The following ADAMTS3 variants were observed in gnomAD, a reference collection of about 807,000 sequenced individuals.
The protein encoded by ADAMTS3 is ADAM metallopeptidase with thrombospondin type 1 motif 3.
Under a neutral mutation model 129.0 loss-of-function variants are expected in ADAMTS3, and 73 were observed. The observed-to-expected ratio is 0.57, with a 90% CI of 0.47 to 0.69. ADAMTS3 has a LOEUF of 0.69. Among genes scored for constraint, ADAMTS3 ranks in the 30% least tolerant of loss-of-function variants. The pLI is 0.00. For missense variants in ADAMTS3, 1,457 were observed against 1,514.5 expected (o/e 0.96, Z 0.63); for synonymous variants, 477 against 510.8 (o/e 0.93, Z 0.89).
chr4:72,503,904 A>G (rs972593038), intron 3 of ADAMTS3, among the ~76,000 whole-genome samples: 1 of 152,216 alleles, frequency 6.6e-6, no homozygotes, highest in Non-Finnish European at 1.5e-5. Context: ...TTCATCTAAT[A>G]TAAGAATACT....
At chr4:72,543,632 T>C (rs927082989) in intron 3 of ADAMTS3, among the ~76,000 whole-genome samples, 6 of 152,140 alleles carry the variant, frequency 3.9e-5, no homozygotes, top group Admixed American at 2.0e-4. Flanking sequence ...AAAAATACTA[T>C]ATGATTCCAC....
At chr4:72,531,280 G>C (rs1048723160) in intron 3 of ADAMTS3, among the ~76,000 whole-genome samples, 4 of 152,158 alleles carry the variant, frequency 2.6e-5, no homozygotes, top group African/African-American at 9.7e-5. Context: ...TTTTTGGCCT[G>C]AGAAATGGTG....
chr4:72,386,226 TC>T (rs1364722715), intron 4 of ADAMTS3, among the ~76,000 whole-genome samples: 1 of 152,162 alleles, frequency 6.6e-6, no homozygotes, highest in Non-Finnish European at 1.5e-5. Flanking sequence ...ACCAAAATTT[TC>T]TTTCACTTTT....
chr4:72,551,507 G>A (rs772653047), intron 2 of ADAMTS3, among the ~76,000 whole-genome samples: 1 of 152,020 alleles, frequency 6.6e-6, no homozygotes, highest in Non-Finnish European at 1.5e-5. Context: ...GTTTGAATGA[G>A]TCATTTTTCT....
In ADAMTS3 at chr4:72,465,022, C is replaced by T. The variant is rs149763951; in HGVS notation, c.505-50051G>A. Among the ~76,000 whole-genome samples, 5 of 152,058 alleles carry T rather than the reference C, an allele frequency of 3.3e-5. No homozygotes were observed. In the East Asian group the frequency reaches 7.8e-4, roughly 24 times the overall value. On this transcript the variant is annotated intron_variant, in intron 3 of 21. Coordinates refer to ENST00000286657, the MANE Select transcript of ADAMTS3 (RefSeq NM_014243.3). ...AATGGTAACAAGACAGAAATCTAAG[C>T]CCTTGCCCTCATGAAGTTGATAATC...
In ADAMTS3 at chr4:72,400,338, G is replaced by A. The variant is rs1314792286; in HGVS notation, c.661+14477C>T. On this transcript the variant is annotated intron_variant, in intron 4 of 21. Coordinates refer to ENST00000286657, the MANE Select transcript of ADAMTS3 (RefSeq NM_014243.3). Reference sequence around the variant, plus strand: ...ACATGGTGTGTGTATATATACACACGGTGTGTATATATACGTGTGCATAGA... The same window carrying A: ...ACATGGTGTGTGTATATATACACACAGTGTGTATATATACGTGTGCATAGA... Among the ~76,000 whole-genome samples the A allele has an allele frequency of 3.0e-4, 42 of 141,562 alleles. 3 individuals are homozygous for A. The highest frequency in any genetic ancestry group is 8.7e-4 in the South Asian group (4 of 4,622). The allele number at this position is 141,562 out of a possible 152,430, so 92.9% of individuals were successfully genotyped here. A position where few individuals can be genotyped will look rare whatever the true frequency, so the allele number is the denominator to read the frequency against.
At chr4:72,313,601 C>A (rs1719303790) in intron 12 of ADAMTS3, 76 bp downstream of exon 12, 6 of 1,477,566 alleles carry the variant, frequency 4.1e-6, no homozygotes, top group Non-Finnish European at 5.5e-6. Flanking sequence ...CTTTATAAAA[C>A]AGAATACTAA....
chr4:72,517,047 G>C (rs964702016), intron 3 of ADAMTS3, among the ~76,000 whole-genome samples: 18 of 152,078 alleles, frequency 1.2e-4, no homozygotes, highest in Middle Eastern at 3.4e-3. Flanking sequence ...TAGCATGAAG[G>C]GCTGTTGAAT....
intron 4 of ADAMTS3, among the ~76,000 whole-genome samples, chr4:72,409,327 C>A (rs1353212925): frequency 6.6e-6 from 1 of 152,072 alleles, no homozygotes; most frequent in Non-Finnish European, 1.5e-5. Context: ...ATTGATACAG[C>A]TTTTTTCTGA....
intron 3 of ADAMTS3, among the ~76,000 whole-genome samples, chr4:72,473,377 C>G (rs1012510288): frequency 2.0e-5 from 3 of 151,838 alleles, no homozygotes; most frequent in Non-Finnish European, 4.4e-5. Context: ...AAGTTAGCAA[C>G]TCAGAAATGT....
chr4:72,524,087 G>A (rs567632066), intron 3 of ADAMTS3, among the ~76,000 whole-genome samples: 18 of 152,174 alleles, frequency 1.2e-4, no homozygotes, highest in Non-Finnish European at 1.9e-4. Context: ...TCATATACTT[G>A]AAAAGATTAC....
At position 72,530,031 on chromosome 4, in the gene ADAMTS3, A is replaced by T. The variant is rs1252233504; in HGVS notation, c.504+18447T>A. Among the ~76,000 whole-genome samples, 17 of 3,092 alleles carry T rather than the reference A, an allele frequency of 5.5e-3. 5 individuals carry two copies. The highest frequency in any genetic ancestry group is 0.023 in the African/African-American group (16 of 690). The allele number at this position is 3,092 out of a possible 152,430, so 2.0% of individuals were successfully genotyped here. On this transcript the variant is annotated intron_variant, in intron 3 of 21. Transcript: ENST00000286657. ...ATATAATATATTATATTTATATATA[A>T]ATATAATATATTATATTTATATATA...
At chr4:72,304,133 T>A in intron 16 of ADAMTS3, 53 bp from the exon 17 acceptor site, 1 of 1,541,012 alleles carries the variant, frequency 6.5e-7, no homozygotes. Flanking sequence ...TCATATTAAG[T>A]GCTGAAGATT....
At chr4:72,502,074 T>G (rs1256297840) in intron 3 of ADAMTS3, among the ~76,000 whole-genome samples, 1 of 152,186 alleles carries the variant, frequency 6.6e-6, no homozygotes, top group Non-Finnish European at 1.5e-5. Context: ...CCTATAGTTT[T>G]GTTTCTTTGT....
At chr4:72,349,371 C>T (rs1357722971) in intron 4 of ADAMTS3, among the ~76,000 whole-genome samples, 3 of 151,854 alleles carry the variant, frequency 2.0e-5, no homozygotes, top group Admixed American at 6.6e-5. Flanking sequence ...ATACAACCAT[C>T]GTTAAAACAT....
chr4:72,541,468 G>T (rs1186343366), intron 3 of ADAMTS3, among the ~76,000 whole-genome samples: 2 of 152,196 alleles, frequency 1.3e-5, no homozygotes, highest in Non-Finnish European at 2.9e-5. Context: ...AGACTTTGGG[G>T]AACTGTTGGG....
intron 4 of ADAMTS3, among the ~76,000 whole-genome samples, chr4:72,359,787 A>G (rs898339971): frequency 2.0e-5 from 3 of 152,136 alleles, no homozygotes; most frequent in Non-Finnish European, 4.4e-5. Context: ...ACACATTACC[A>G]TTTAATGTAT....
chr4:72,359,478 T>A (rs1280762545), intron 4 of ADAMTS3, among the ~76,000 whole-genome samples: 1 of 152,038 alleles, frequency 6.6e-6, no homozygotes, highest in Non-Finnish European at 1.5e-5. Flanking sequence ...TTAATAACAT[T>A]TAATACCATG....
chr4:72,327,385 C>A (rs1480524710), intron 5 of ADAMTS3, among the ~76,000 whole-genome samples: 1 of 152,018 alleles, frequency 6.6e-6, no homozygotes, highest in African/African-American at 2.4e-5. Context: ...GAAGTAAAAG[C>A]AAAATCAACA....
Sources: gnomAD v4.1 joint callset for allele counts (sites outside exome capture counted in the v4.1 genomes callset) on GRCh38, gnomAD v4.1.1 for gene constraint, MANE v1.5 for transcripts, NCBI Gene and HGNC (gene_info 2026-07-23, HGNC 2026-07-21) for gene names.